FHIT: variants seen among roughly 807,000 people sequenced by gnomAD.
FHIT encodes fragile histidine triad diadenosine triphosphatase, also known as bis(5'-adenosyl)-triphosphatase.
In FHIT, 19 loss-of-function variants were observed where a neutral mutation model predicts 17.9. That is an observed-to-expected ratio of 1.06 (90% confidence interval 0.74 to 1.56). The LOEUF (loss-of-function observed/expected upper bound fraction) is 1.56. FHIT is among the 40% of genes most tolerant of loss of function. The probability of loss-of-function intolerance (pLI) is 0.00; values close to 1 mark genes in which losing one functional copy is unlikely to be tolerated. For synonymous variants in FHIT, 81 were observed against 69.7 expected (o/e 1.16, Z -0.81); for missense variants, 248 against 189.2 (o/e 1.31, Z -1.82).
chr3:60,914,475 A>C lies in FHIT; in HGVS notation c.-110-92464T>G, dbSNP rs192062823. Among the ~76,000 whole-genome samples the C allele has an allele frequency of 4.2e-3, 644 of 152,118 alleles. 4 individuals are homozygous for C. Among genetic ancestry groups the C allele is most frequent in the Non-Finnish European group, 7.9e-3 (535 of 67,982 alleles). Reference sequence around the variant, plus strand: ...AATGGCCATGGAAGGACGGTTGTGCAGTGAGTAAGACTTGCATAGGAAAAT... The same window carrying C: ...AATGGCCATGGAAGGACGGTTGTGCCGTGAGTAAGACTTGCATAGGAAAAT... On this transcript the variant is annotated intron_variant, in intron 3 of 9. Coordinates refer to ENST00000492590, the MANE Select transcript of FHIT (RefSeq NM_002012.4).
rs1185952342 is a variant in FHIT at position 59,747,280 on chromosome 3, T to G, written c.*2305A>C. 6.6e-6 allele frequency among the ~76,000 whole-genome samples: 1 copy of G among 152,130 alleles called. No individual in the cohort carries two copies. The highest frequency in any genetic ancestry group is 1.9e-4 in the East Asian group (1 of 5,184). ...TAACCACACACTCAAGACTGGGTAATTTATAAAGGAATGAGGTTTAATGGA... is the reference window on the plus strand; with the variant it reads ...TAACCACACACTCAAGACTGGGTAAGTTATAAAGGAATGAGGTTTAATGGA... On this transcript the variant is annotated 3_prime_UTR_variant, in exon 10 of 10. Coordinates refer to ENST00000492590, the MANE Select transcript of FHIT (RefSeq NM_002012.4).
At chr3:60,309,942 TC>T (rs1559808228) in intron 5 of FHIT, among the ~76,000 whole-genome samples, 1 of 152,132 alleles carries the variant, frequency 6.6e-6, no homozygotes, top group Non-Finnish European at 1.5e-5. Flanking sequence ...TCAGTCCACT[TC>T]ACATTCGAGT....
At chr3:59,985,272 G>C (rs918980848) in intron 7 of FHIT, among the ~76,000 whole-genome samples, 1 of 152,064 alleles carries the variant, frequency 6.6e-6, no homozygotes, top group Non-Finnish European at 1.5e-5. Flanking sequence ...AACACAGAAT[G>C]CTCCGCCTTC....
At chr3:60,160,458 C>T (rs1443337692) in intron 5 of FHIT, among the ~76,000 whole-genome samples, 1 of 152,108 alleles carries the variant, frequency 6.6e-6, no homozygotes, top group East Asian at 1.9e-4. Flanking sequence ...GTTTTTACAA[C>T]TATCTTTTTT....
At chr3:60,984,408 T>G (rs1710630631) in intron 3 of FHIT, among the ~76,000 whole-genome samples, 1 of 152,220 alleles carries the variant, frequency 6.6e-6, no homozygotes, top group Non-Finnish European at 1.5e-5. Flanking sequence ...CACCTACCAA[T>G]ACACCCACCC....
At chr3:60,601,284 G>C (rs2038438511) in intron 4 of FHIT, among the ~76,000 whole-genome samples, 1 of 152,136 alleles carries the variant, frequency 6.6e-6, no homozygotes, top group African/African-American at 2.4e-5. Context: ...CCTAATGTCA[G>C]CATGTTTCAG....
At chr3:60,092,048 C>T (rs2107099727) in intron 5 of FHIT, among the ~76,000 whole-genome samples, 1 of 152,184 alleles carries the variant, frequency 6.6e-6, no homozygotes, top group African/African-American at 2.4e-5. Context: ...ACTGGTGAGT[C>T]GTAGAAGACA....
intron 4 of FHIT, among the ~76,000 whole-genome samples, chr3:60,545,747 C>T (rs988408237): frequency 1.3e-5 from 2 of 152,158 alleles, no homozygotes; most frequent in African/African-American, 4.8e-5. Context: ...TTGAGGCTTC[C>T]TGACTCATTG....
chr3:60,188,174 G>A lies in FHIT; in HGVS notation c.104-174022C>T, dbSNP rs934348984. 2.1e-5 allele frequency among the ~76,000 whole-genome samples: 3 copies of A among 143,686 alleles called. No individual in the cohort carries two copies. In the East Asian group the frequency reaches 6.2e-4, roughly 30 times the overall value. 94.3% of individuals were successfully genotyped at this position (143,686 alleles called of 152,430 possible). ...CATTGAATGTCAGACTCTAACAGGTGTCTATGAACTCAGGGATCTTGACAG... is the reference window on the plus strand; with the variant it reads ...CATTGAATGTCAGACTCTAACAGGTATCTATGAACTCAGGGATCTTGACAG... On this transcript the variant is annotated intron_variant, in intron 5 of 9. Transcript: ENST00000492590.
At chr3:60,887,899 T>C (rs1351281082) in intron 3 of FHIT, among the ~76,000 whole-genome samples, 1 of 152,178 alleles carries the variant, frequency 6.6e-6, no homozygotes, top group Non-Finnish European at 1.5e-5. Context: ...CAAATGTTGA[T>C]TGATAAACAT....
chr3:60,827,492 A>G (rs562516133), intron 3 of FHIT, among the ~76,000 whole-genome samples: 2 of 152,334 alleles, frequency 1.3e-5, no homozygotes, highest in East Asian at 1.9e-4. Context: ...TAAGTTACCA[A>G]TGTAAATATG....
At chr3:61,245,793 A>G (rs569184326) in intron 1 of FHIT, among the ~76,000 whole-genome samples, 5 of 152,334 alleles carry the variant, frequency 3.3e-5, no homozygotes, top group African/African-American at 1.2e-4. Context: ...ATTAATATGC[A>G]CTACCTCAAA....
At chr3:60,677,005 G>C (rs2040635704) in intron 4 of FHIT, among the ~76,000 whole-genome samples, 2 of 152,056 alleles carry the variant, frequency 1.3e-5, no homozygotes, top group African/African-American at 4.8e-5. Context: ...CTCCATAGTA[G>C]CTGGGATTAC....
chr3:59,776,525 A>G (rs989538401), intron 8 of FHIT, among the ~76,000 whole-genome samples: 2 of 152,196 alleles, frequency 1.3e-5, no homozygotes, highest in African/African-American at 4.8e-5. Context: ...TGAGACAGTG[A>G]TGGGCCATCC....
intron 8 of FHIT, among the ~76,000 whole-genome samples, chr3:59,799,195 A>G (rs920393994): frequency 2.0e-5 from 3 of 152,238 alleles, no homozygotes; most frequent in African/African-American, 4.8e-5. Flanking sequence ...ATAGACTTAC[A>G]TATGTGATAT....
At chr3:59,855,202 C>T (rs991148894) in intron 8 of FHIT, among the ~76,000 whole-genome samples, 1 of 152,126 alleles carries the variant, frequency 6.6e-6, no homozygotes, top group Non-Finnish European at 1.5e-5. Flanking sequence ...TAAAAATTTT[C>T]CTGATATTAC....
chr3:61,035,684 A>T (rs2033204807), intron 3 of FHIT, among the ~76,000 whole-genome samples: 2 of 152,226 alleles, frequency 1.3e-5, no homozygotes, highest in African/African-American at 4.8e-5. Flanking sequence ...AGACTAAATT[A>T]TTCCTGAGGG....
intron 8 of FHIT, among the ~76,000 whole-genome samples, chr3:59,896,612 A>G (rs1396641975): frequency 6.6e-6 from 1 of 152,226 alleles, no homozygotes; most frequent in Non-Finnish European, 1.5e-5. Flanking sequence ...GCAAAGAGAC[A>G]ATGAAATAAT....
chr3:60,407,096 C>CTTTA (rs1701892011), intron 5 of FHIT, among the ~76,000 whole-genome samples: 1 of 38,082 alleles, frequency 2.6e-5, no homozygotes, highest in Non-Finnish European at 5.3e-5. Flanking sequence ...TTTTTTTTTG[C>CTTTA]TTAAGCTAAA....
Sources: allele counts gnomAD v4.1 joint callset (sites outside exome capture counted in the v4.1 genomes callset), GRCh38; gene constraint gnomAD v4.1.1; transcripts MANE v1.5; gene names NCBI Gene and HGNC (gene_info 2026-07-23, HGNC 2026-07-21).